P4HA3: variants seen among roughly 807,000 people sequenced by gnomAD.
The protein encoded by P4HA3 is prolyl 4-hydroxylase subunit alpha 3.
Under a neutral mutation model 66.7 loss-of-function variants are expected in P4HA3, and 60 were observed. The ratio of observed to expected loss-of-function variants is 0.90; its 90% CI spans 0.73 to 1.12. The LOEUF (loss-of-function observed/expected upper bound fraction) is 1.12. P4HA3 is among the 50% of genes most tolerant of loss of function. The pLI, the probability that P4HA3 is intolerant of heterozygous loss-of-function variation, is 0.00. For synonymous variants in P4HA3, 263 were observed against 274.6 expected (o/e 0.96, Z 0.42); for missense variants, 683 against 685.8 (o/e 1.00, Z 0.05).
chr11:74,250,718 G>T, intron 15 of P4HA3: 1 of 488,630 alleles, frequency 2.0e-6, no homozygotes, highest in Non-Finnish European at 3.7e-6. Flanking sequence ...TGTGTCTCTG[G>T]CCCACAGTAA....
At chr11:74,288,333 T>C (rs906958616) in intron 5 of P4HA3, among the ~76,000 whole-genome samples, 1 of 152,152 alleles carries the variant, frequency 6.6e-6, no homozygotes, top group Non-Finnish European at 1.5e-5. Context: ...AAAACTGATA[T>C]CTCCCTGTGA....
rs1023847975 is a variant in P4HA3, at chr11:74,294,674, T to C, written c.717+3538A>G. On this transcript the variant is annotated intron_variant, in intron 4 of 12. Transcript: ENST00000331597. ...GTTTTCCTTCTAACAGACAGGACCC[T>C]CAGCTGCAGGTCTGTTGGAGTTTGC... 3.3e-5 allele frequency among the ~76,000 whole-genome samples: 5 copies of C among 152,348 alleles called. No individual in the cohort carries two copies. The East Asian group carries it at 7.7e-4, about 24-fold the overall frequency.
intron 4 of P4HA3, among the ~76,000 whole-genome samples, chr11:74,293,044 G>A (rs1367356140): frequency 1.3e-5 from 2 of 151,926 alleles, no homozygotes; most frequent in Non-Finnish European, 2.9e-5. Flanking sequence ...TTGACAGTGG[G>A]GTGTTAAAGT....
At chr11:74,261,841 C>T (rs1255603008), downstream of P4HA3, among the ~76,000 whole-genome samples, 2 of 152,168 alleles carry the variant, frequency 1.3e-5, no homozygotes, top group Admixed American at 6.5e-5. Context: ...ATATTGGTAC[C>T]ATTATTTGCC....
At chr11:74,257,501 G>C (rs1188742196) in intron 15 of P4HA3, among the ~76,000 whole-genome samples, 4 of 152,096 alleles carry the variant, frequency 2.6e-5, no homozygotes, top group African/African-American at 9.7e-5. Flanking sequence ...ATCTCAGAAG[G>C]AACAGCACAG....
rs746182997 is a variant in P4HA3 at position 74,269,692 on chromosome 11, G to A, written c.1427C>T (p.Thr476Ile). 1 of 1,613,972 alleles carries A rather than the reference G, an allele frequency of 6.2e-7. No homozygotes were observed. Among genetic ancestry groups the A allele is most frequent in the Non-Finnish European group, 8.5e-7 (1 of 1,179,918 alleles). The stretch of plus-strand genomic sequence containing the variant: ...GCTGAGGTTGGCATAGATGAAGGCT[G>A]TGGCTCCTCCAGCTTCCACCGAGCT... ...YLSSVEAGGA[T>I]AFIYANLSVP... Residue 476 changes from threonine to isoleucine, a missense_variant, in exon 11 of 13, where the codon ACA becomes ATA. By Grantham distance (89) the Thr-to-Ile change is moderately conservative. Coordinates refer to ENST00000331597, the MANE Select transcript of P4HA3 (RefSeq NM_182904.5).
At chr11:74,288,541 G>C (rs1860881440) in intron 5 of P4HA3, among the ~76,000 whole-genome samples, 1 of 152,186 alleles carries the variant, frequency 6.6e-6, no homozygotes, top group Non-Finnish European at 1.5e-5. Flanking sequence ...GGAAGGGACA[G>C]GTTGATATCT....
intron 15 of P4HA3, among the ~76,000 whole-genome samples, chr11:74,259,084 T>C (rs1397706454): frequency 6.6e-6 from 1 of 152,020 alleles, no homozygotes; most frequent in Non-Finnish European, 1.5e-5. Context: ...CCATGCTGCA[T>C]CCTCCCTGGG....
rs994901457 is a variant in P4HA3 at position 74,251,229 on chromosome 11, T to C, written c.*1319-3228A>G. On this transcript the variant is annotated intron_variant and NMD_transcript_variant, in intron 15 of 15. Coordinates refer to the P4HA3 transcript ENST00000524388. ...ATGTGCTGAGGAGCTACTGACACTC[T>C]GCTATTTCATCCCAGGGCCCTGTGG... The C allele has an allele frequency of 2.4e-5, 34 of 1,403,036 alleles. No individual in the cohort carries two copies. In the African/African-American group the frequency reaches 4.5e-4, roughly 18 times the overall value. 86.9% of individuals were successfully genotyped at this position (1,403,036 alleles called of 1,614,324 possible).
intron 15 of P4HA3, among the ~76,000 whole-genome samples, chr11:74,257,470 G>A (rs1859848216): frequency 6.6e-6 from 1 of 152,106 alleles, no homozygotes; most frequent in African/African-American, 2.4e-5. Flanking sequence ...CAAAGTGGAG[G>A]TGGAGGAGGA....
intron 5 of P4HA3, among the ~76,000 whole-genome samples, chr11:74,288,808 G>A (rs1860893276): frequency 6.6e-6 from 1 of 151,968 alleles, no homozygotes; most frequent in South Asian, 2.1e-4. Context: ...AATTAGCCAG[G>A]TGTGGTGGTG....
At chr11:74,285,630 A>G in intron 7 of P4HA3, 179 bp downstream of exon 7, 1 of 614,150 alleles carries the variant, frequency 1.6e-6, no homozygotes, top group East Asian at 2.8e-5. Context: ...CTTTCCCTCT[A>G]GAGGCAAGCA....
At chr11:74,282,089 G>T (rs542368924) in intron 7 of P4HA3, among the ~76,000 whole-genome samples, 1 of 148,810 alleles carries the variant, frequency 6.7e-6, no homozygotes, top group East Asian at 2.0e-4. Context: ...TCATAGAAGA[G>T]AGATGCTCCC....
intron 7 of P4HA3, among the ~76,000 whole-genome samples, chr11:74,280,622 A>AG (rs1412285100): frequency 2.0e-5 from 3 of 152,204 alleles, no homozygotes; most frequent in African/African-American, 7.2e-5. Context: ...CTGTATCCCC[A>AG]GGGTCCATTC....
intron 15 of P4HA3, among the ~76,000 whole-genome samples, chr11:74,259,282 C>T (rs1336675081): frequency 2.6e-5 from 4 of 152,030 alleles, no homozygotes; most frequent in South Asian, 2.1e-4. Flanking sequence ...AGGAGGCTGA[C>T]GCAGGAGAAT....
intron 15 of P4HA3, among the ~76,000 whole-genome samples, chr11:74,255,335 GC>G (rs1296064910): frequency 6.6e-6 from 1 of 152,144 alleles, no homozygotes; most frequent in Non-Finnish European, 1.5e-5. Flanking sequence ...CACAGCCAGT[GC>G]CCTAGCTTAG....
At chr11:74,289,442 TTTTAA>T (rs1443630634) in intron 4 of P4HA3, among the ~76,000 whole-genome samples, 3 of 150,678 alleles carry the variant, frequency 2.0e-5, no homozygotes, top group Non-Finnish European at 4.4e-5. Flanking sequence ...TTGTTTTTTC[TTTTAA>T]TTTTATTATT....
intron 9 of P4HA3, among the ~76,000 whole-genome samples, chr11:74,275,627 C>T (rs1860368346): frequency 6.6e-6 from 1 of 152,136 alleles, no homozygotes; most frequent in African/African-American, 2.4e-5. Context: ...ATTTGTTCTT[C>T]TTTTTCAAAA....
intron 1 of P4HA3, among the ~76,000 whole-genome samples, chr11:74,305,208 C>A (rs1861544156): frequency 6.6e-6 from 1 of 152,046 alleles, no homozygotes; most frequent in Admixed American, 6.5e-5. Flanking sequence ...GCAGGCAGGG[C>A]AGCTCATCCA....
Sources: allele counts gnomAD v4.1 joint callset (sites outside exome capture counted in the v4.1 genomes callset), GRCh38; gene constraint gnomAD v4.1.1; transcripts MANE v1.5; gene names NCBI Gene and HGNC (gene_info 2026-07-23, HGNC 2026-07-21).